The following DOK5 variants were observed in gnomAD, a reference collection of about 807,000 sequenced individuals.
The protein encoded by DOK5 is docking protein 5.
A neutral mutation model predicts 43.3 loss-of-function variants in DOK5; 27 were observed. That is an observed-to-expected ratio of 0.62 (90% CI 0.46 to 0.86). The LOEUF is 0.86. DOK5 is among the 40% of genes least tolerant of loss of function. The probability of loss-of-function intolerance (pLI) is 0.00; values close to 1 mark genes in which losing one functional copy is unlikely to be tolerated. For synonymous variants in DOK5, 146 were observed against 140.1 expected (o/e 1.04, Z -0.30); for missense variants, 373 against 392.9 (o/e 0.95, Z 0.43).
At chr20:54,555,312 C>A in intron 2 of DOK5, 1 of 326,078 alleles carries the variant, frequency 3.1e-6, no homozygotes, top group East Asian at 6.1e-5. Flanking sequence ...ACTCCCTACA[C>A]TGAAGCCCCG....
intron 6 of DOK5, among the ~76,000 whole-genome samples, chr20:54,626,221 G>A (rs977798524): frequency 6.6e-6 from 1 of 152,148 alleles, no homozygotes; most frequent in African/African-American, 2.4e-5. Flanking sequence ...TGAATGAGCC[G>A]AAGAACACCG....
At chr20:54,641,462 AGTGG>A (rs1233455779) in intron 6 of DOK5, among the ~76,000 whole-genome samples, 1 of 151,588 alleles carries the variant, frequency 6.6e-6, no homozygotes, top group Non-Finnish European at 1.5e-5. Flanking sequence ...GGATGTGTAC[AGTGG>A]AGACTTTTTT....
intron 2 of DOK5, among the ~76,000 whole-genome samples, chr20:54,587,759 T>A (rs1985852293): frequency 6.6e-6 from 1 of 152,186 alleles, no homozygotes. Context: ...AGAGAACGTC[T>A]AGTGGGGATG....
chr20:54,563,099 G>A lies in DOK5; in HGVS notation c.174+8059G>A, dbSNP rs539903235. Among the ~76,000 whole-genome samples, 4 of 152,266 alleles carry A rather than the reference G, an allele frequency of 2.6e-5. No individual in the cohort carries two copies. The East Asian group carries it at 5.8e-4, about 22-fold the overall frequency. The stretch of plus-strand genomic sequence containing the variant: ...AAAAGCCAAAGGTGTCAAGGACTGC[G>A]GCAGCCACCAGACCGTAGGATAGAT... On this transcript the variant is annotated intron_variant, in intron 2 of 7. Coordinates refer to ENST00000262593, the MANE Select transcript of DOK5 (RefSeq NM_018431.5).
intron 2 of DOK5, among the ~76,000 whole-genome samples, chr20:54,569,687 T>C (rs1387656575): frequency 6.6e-6 from 1 of 152,208 alleles, no homozygotes; most frequent in Non-Finnish European, 1.5e-5. Context: ...TCAGATTCCA[T>C]TCTCTCTGTA....
intron 1 of DOK5, among the ~76,000 whole-genome samples, chr20:54,527,483 C>T (rs923446730): frequency 5.3e-5 from 8 of 152,106 alleles, no homozygotes; most frequent in Non-Finnish European, 1.0e-4. Context: ...GAAGAGCAAA[C>T]CTCTCAGGTT....
chr20:54,600,363 C>T (rs976880649), intron 5 of DOK5, among the ~76,000 whole-genome samples: 1 of 152,122 alleles, frequency 6.6e-6, no homozygotes, highest in African/African-American at 2.4e-5. Flanking sequence ...ATGGCTCTCA[C>T]TTCTGACACC....
intron 1 of DOK5, among the ~76,000 whole-genome samples, chr20:54,544,750 C>T (rs1005252761): frequency 1.3e-5 from 2 of 151,820 alleles, no homozygotes; most frequent in African/African-American, 2.4e-5. Flanking sequence ...TGAGTCCACT[C>T]CTGGGTGGGG....
chr20:54,510,431 A>G (rs1485420463), intron 1 of DOK5, among the ~76,000 whole-genome samples: 1 of 152,124 alleles, frequency 6.6e-6, no homozygotes, highest in East Asian at 1.9e-4. Flanking sequence ...AAACCATTTT[A>G]TGTTAAATTT....
intron 6 of DOK5, among the ~76,000 whole-genome samples, chr20:54,641,572 C>T (rs1979117733): frequency 8.3e-6 from 1 of 120,830 alleles, no homozygotes; most frequent in Non-Finnish European, 2.0e-5. Flanking sequence ...TCATCATCAT[C>T]ATCATCATCT....
intron 6 of DOK5, among the ~76,000 whole-genome samples, chr20:54,637,973 T>C (rs1978910106): frequency 6.6e-6 from 1 of 152,004 alleles, no homozygotes; most frequent in African/African-American, 2.4e-5. Context: ...ATACAAATAA[T>C]CAGCCAGGCG....
At chr20:54,480,311 A>G (rs1054388387) in intron 1 of DOK5, among the ~76,000 whole-genome samples, 1 of 152,166 alleles carries the variant, frequency 6.6e-6, no homozygotes, top group Non-Finnish European at 1.5e-5. Context: ...CTTGCTGATA[A>G]AACAGTTTAC....
intron 6 of DOK5, among the ~76,000 whole-genome samples, chr20:54,625,730 A>G (rs1280604511): frequency 3.9e-5 from 6 of 152,218 alleles, no homozygotes; most frequent in African/African-American, 9.6e-5. Flanking sequence ...CCTGGTACCT[A>G]TTAAATATAG....
intron 2 of DOK5, among the ~76,000 whole-genome samples, chr20:54,588,149 A>G (rs6023384): frequency 0.17 from 25,589 of 152,062 alleles, 4,029 homozygotes; most frequent in African/African-American, 0.42. Context: ...AGACATAAGA[A>G]CTATTGGTCA....
chr20:54,497,891 G>A (rs1982459548), intron 1 of DOK5, among the ~76,000 whole-genome samples: 1 of 152,108 alleles, frequency 6.6e-6, no homozygotes, highest in Admixed American at 6.5e-5. Flanking sequence ...GTAATACAAT[G>A]AAAACAATAT....
At chr20:54,565,714 C>T (rs184172973) in intron 2 of DOK5, among the ~76,000 whole-genome samples, 3 of 152,090 alleles carry the variant, frequency 2.0e-5, no homozygotes, top group Non-Finnish European at 4.4e-5. Context: ...GTTCTTGTAT[C>T]CATCACCACA....
chr20:54,578,871 C>T (rs865818102), intron 2 of DOK5, among the ~76,000 whole-genome samples: 11 of 152,108 alleles, frequency 7.2e-5, no homozygotes, highest in Middle Eastern at 6.8e-3. Flanking sequence ...AACAAATGGC[C>T]CTATTGAGAT....
At chr20:54,568,860 A>G (rs914764581) in intron 2 of DOK5, among the ~76,000 whole-genome samples, 8 of 151,586 alleles carry the variant, frequency 5.3e-5, no homozygotes, top group African/African-American at 1.7e-4. Flanking sequence ...TGAACCCGGG[A>G]GGCGGAGCTT....
intron 1 of DOK5, among the ~76,000 whole-genome samples, chr20:54,480,368 A>C (rs147359873): frequency 0.023 from 3,575 of 152,246 alleles, 122 homozygotes; most frequent in African/African-American, 0.081. Context: ...TGGCCATGAG[A>C]GTGACCTCTG....
Sources: gnomAD v4.1 joint callset for allele counts (sites outside exome capture counted in the v4.1 genomes callset) on GRCh38, gnomAD v4.1.1 for gene constraint, MANE v1.5 for transcripts, NCBI Gene and HGNC (gene_info 2026-07-23, HGNC 2026-07-21) for gene names.